Variants in TNPO1 observed in about 807,000 individuals in gnomAD.
The protein encoded by TNPO1 is transportin-1.
A neutral mutation model predicts 119.5 loss-of-function variants in TNPO1; 8 were observed. The ratio of observed to expected loss-of-function variants is 0.07; its 90% CI spans 0.04 to 0.12. The LOEUF (loss-of-function observed/expected upper bound fraction) is 0.12, where lower values mean the gene tolerates loss of function less well. Among genes scored for constraint, TNPO1 ranks in the 10% least tolerant of loss-of-function variants. The pLI is 1.00. For synonymous variants in TNPO1, 362 were observed against 363.0 expected (o/e 1.00, Z 0.03); for missense variants, 576 against 1,089.8 (o/e 0.53, Z 6.64).
At chr5:72,865,218 G>A (rs572300311) in intron 5 of TNPO1, among the ~76,000 whole-genome samples, 16 of 152,040 alleles carry the variant, frequency 1.1e-4, no homozygotes, top group Admixed American at 2.0e-4. Flanking sequence ...GAGGCAGGCG[G>A]ACCAGCTGAG....
intron 7 of TNPO1, among the ~76,000 whole-genome samples, chr5:72,874,672 C>T (rs913713713): frequency 6.6e-6 from 1 of 152,200 alleles, no homozygotes; most frequent in Non-Finnish European, 1.5e-5. Context: ...TAGTACTTCA[C>T]ACAGTGTCCC....
chr5:72,893,895 G>A (rs2112464500), intron 18 of TNPO1, among the ~76,000 whole-genome samples, 192 bp downstream of exon 18: 1 of 152,258 alleles, frequency 6.6e-6, no homozygotes, highest in Middle Eastern at 3.4e-3. Flanking sequence ...CCTTGAGCTT[G>A]CCATCATCTC....
intron 23 of TNPO1, among the ~76,000 whole-genome samples, chr5:72,904,799 G>C (rs250517): frequency 0.82 from 124,804 of 152,016 alleles, 51,491 homozygotes; most frequent in Non-Finnish European, 0.86. Context: ...CTCTGTCCCC[G>C]CCACACACAC....
intron 14 of TNPO1, 28 bp downstream of exon 14, chr5:72,889,985 A>G (rs1269387353): frequency 6.2e-7 from 1 of 1,602,044 alleles, no homozygotes; most frequent in Non-Finnish European, 8.5e-7. Flanking sequence ...ACTATTAGGG[A>G]AAATAATGTG....
At chr5:72,880,109 C>G (rs1748121814) in intron 9 of TNPO1, among the ~76,000 whole-genome samples, 1 of 152,092 alleles carries the variant, frequency 6.6e-6, no homozygotes, top group African/African-American at 2.4e-5. Flanking sequence ...GTCACTTGAA[C>G]CCAGGAGGCA....
chr5:72,873,373 A>G (rs1747544109), intron 7 of TNPO1, among the ~76,000 whole-genome samples: 2 of 152,104 alleles, frequency 1.3e-5, no homozygotes, highest in East Asian at 3.8e-4. Flanking sequence ...AAAGTCCCTT[A>G]GAAGTCAGAC....
In TNPO1 at chr5:72,909,096, T is replaced by C. The variant is rs1022165606; in HGVS notation, c.*423T>C. Reference sequence around the variant, plus strand: ...GCGCACAATAAAGGAAACCTAAGAATGGGAGTTACAAATAGTAAAGAAGCT... The same window carrying C: ...GCGCACAATAAAGGAAACCTAAGAACGGGAGTTACAAATAGTAAAGAAGCT... On this transcript the variant is annotated 3_prime_UTR_variant, in exon 25 of 25. Transcript: ENST00000337273. 6.5e-6 allele frequency: 1 copy of C among 154,372 alleles called. No individual in the cohort carries two copies. The highest frequency in any genetic ancestry group is 1.4e-5 in the Non-Finnish European group (1 of 69,896). The allele number at this position is 154,372 out of a possible 1,614,324, so 9.6% of individuals were successfully genotyped here.
chr5:72,863,467 C>T (rs1746636112), intron 5 of TNPO1, among the ~76,000 whole-genome samples: 1 of 151,792 alleles, frequency 6.6e-6, no homozygotes, highest in Admixed American at 6.6e-5. Flanking sequence ...TGCCTGTGGT[C>T]CCAGCTACTC....
intron 6 of TNPO1, among the ~76,000 whole-genome samples, chr5:72,867,207 AC>A (rs1048293409): frequency 6.6e-6 from 1 of 151,870 alleles, no homozygotes; most frequent in African/African-American, 2.4e-5. Flanking sequence ...GTTGATTAAT[AC>A]CCATTTGAGA....
At chr5:72,818,886 G>T (rs1743819382) in intron 1 of TNPO1, among the ~76,000 whole-genome samples, 1 of 152,150 alleles carries the variant, frequency 6.6e-6, no homozygotes, top group Admixed American at 6.5e-5. Context: ...GGAGGTTGAG[G>T]ATTTTTCTTA....
chr5:72,851,744 G>A (rs539551811), intron 3 of TNPO1, among the ~76,000 whole-genome samples: 4 of 152,232 alleles, frequency 2.6e-5, no homozygotes, highest in East Asian at 1.9e-4. Context: ...TTCGCCTGCC[G>A]CAGTCTCCCA....
At chr5:72,874,711 TATA>T (rs1216518592) in intron 7 of TNPO1, among the ~76,000 whole-genome samples, 1 of 152,218 alleles carries the variant, frequency 6.6e-6, no homozygotes, top group Non-Finnish European at 1.5e-5. Flanking sequence ...TCCTCTTTCT[TATA>T]ATGAGATTTT....
chr5:72,822,949 T>G (rs1230947033), intron 1 of TNPO1, among the ~76,000 whole-genome samples: 1 of 144,306 alleles, frequency 6.9e-6, no homozygotes, highest in Non-Finnish European at 1.5e-5. Flanking sequence ...ACAGTCTAGC[T>G]CTCTTGTCCA....
chr5:72,905,548 A>C (rs1750083168), intron 24 of TNPO1, 103 bp downstream of exon 24: 2 of 570,324 alleles, frequency 3.5e-6, no homozygotes, highest in Non-Finnish European at 3.1e-6. Context: ...TTTTCTATAG[A>C]GGTTGAATAA....
Position 72,872,343 on chromosome 5 carries a change from A to T in TNPO1, c.597-296A>T, listed in dbSNP as rs1252307196. Among the ~76,000 whole-genome samples the T allele has an allele frequency of 3.3e-5, 5 of 151,994 alleles. No individual in the cohort carries two copies. In the South Asian group the frequency reaches 6.2e-4, roughly 19 times the overall value. On this transcript the variant is annotated intron_variant, in intron 6 of 24. Coordinates refer to ENST00000337273, the MANE Select transcript of TNPO1 (RefSeq NM_002270.4). ...AATCTGTAGGCATCTAAAAAAAAAA[A>T]TTTTGCCCCTCCCCAACCTCCACTC...
Position 72,872,735 on chromosome 5 carries a change from T to C in TNPO1, c.678+15T>C. 6.4e-7 allele frequency: 1 copy of C among 1,573,138 alleles called. No individual in the cohort carries two copies. Among genetic ancestry groups the C allele is most frequent in the Non-Finnish European group, 8.6e-7 (1 of 1,158,658 alleles). On this transcript the variant is annotated intron_variant, in intron 7 of 24. Transcript: ENST00000337273. ...CTTTTATTGAGGTAAGACTTGTTCT[T>C]GTCTCCCTCCCAACCCCCCAGCTTT...
intron 1 of TNPO1, among the ~76,000 whole-genome samples, chr5:72,822,912 T>C: frequency 7.0e-6 from 1 of 142,428 alleles, no homozygotes; most frequent in Non-Finnish European, 1.5e-5. Context: ...TCTACACTTT[T>C]TTTTTTTTTT....
chr5:72,867,833 A>G (rs568132087), intron 6 of TNPO1, among the ~76,000 whole-genome samples: 2 of 152,262 alleles, frequency 1.3e-5, no homozygotes, highest in Admixed American at 1.3e-4. Flanking sequence ...ACTATAGCTC[A>G]TTTTGACTCC....
At chr5:72,886,888 C>CAAAAA (rs5868651) in intron 11 of TNPO1, among the ~76,000 whole-genome samples, 182 bp from the exon 12 acceptor site, 4 of 70,366 alleles carry the variant, frequency 5.7e-5, no homozygotes, top group East Asian at 4.5e-4. Flanking sequence ...GACTCCATCT[C>CAAAAA]AAAAAAAAAA....
Sources: gnomAD v4.1 joint callset for allele counts (sites outside exome capture counted in the v4.1 genomes callset) on GRCh38, gnomAD v4.1.1 for gene constraint, MANE v1.5 for transcripts, NCBI Gene and HGNC (gene_info 2026-07-23, HGNC 2026-07-21) for gene names.